GRIK3: variants seen among roughly 807,000 people sequenced by gnomAD.
GRIK3 encodes the protein glutamate receptor ionotropic, kainate 3.
Under a neutral mutation model 102.5 loss-of-function variants are expected in GRIK3, and 29 were observed. The observed-to-expected ratio is 0.28, with a 90% CI of 0.21 to 0.39. The LOEUF is 0.39. Among genes scored for constraint, GRIK3 ranks in the 10% least tolerant of loss-of-function variants. GRIK3 has a pLI of 1.00. For missense variants in GRIK3, 908 were observed against 1,252.4 expected, an observed-to-expected ratio of 0.73 and a Z score of 4.15; for synonymous variants, 511 against 504.9, an observed-to-expected ratio of 1.01 and a Z score of -0.16.
intron 12 of GRIK3, among the ~76,000 whole-genome samples, chr1:36,818,607 C>T (rs796677549): frequency 2.0e-5 from 3 of 152,348 alleles, no homozygotes; most frequent in South Asian, 2.1e-4. Flanking sequence ...AGAGGTTTCT[C>T]GCATGTGGGA....
intron 9 of GRIK3, among the ~76,000 whole-genome samples, chr1:36,848,807 T>C (rs1180177467): frequency 1.3e-5 from 2 of 152,048 alleles, no homozygotes; most frequent in Non-Finnish European, 2.9e-5. Flanking sequence ...TTTAACCCTG[T>C]TCCTCTTGAG....
At chr1:36,939,962 A>G (rs370853545) in intron 1 of GRIK3, among the ~76,000 whole-genome samples, 1 of 152,160 alleles carries the variant, frequency 6.6e-6, no homozygotes, top group Non-Finnish European at 1.5e-5. Context: ...TCAAATCCAC[A>G]TCCCATTTAT....
intron 3 of GRIK3, among the ~76,000 whole-genome samples, chr1:36,873,886 G>A (rs1002101010): frequency 6.6e-6 from 1 of 152,170 alleles, no homozygotes; most frequent in African/African-American, 2.4e-5. Context: ...CAAATATGGA[G>A]GTTGTAAGTC....
At chr1:36,928,916 T>G (rs984532793) in intron 1 of GRIK3, among the ~76,000 whole-genome samples, 1 of 152,200 alleles carries the variant, frequency 6.6e-6, no homozygotes, top group Non-Finnish European at 1.5e-5. Context: ...CTGGAGGAGA[T>G]AGCACCTGTG....
intron 1 of GRIK3, among the ~76,000 whole-genome samples, chr1:36,974,755 G>A (rs1642177359): frequency 6.8e-6 from 1 of 147,418 alleles, no homozygotes; most frequent in South Asian, 2.1e-4. Context: ...AGCTGACATT[G>A]CGCCACTGCT....
chr1:36,918,184 T>C lies in GRIK3; in HGVS notation c.116-27088A>G, dbSNP rs139791451. On this transcript the variant is annotated intron_variant, in intron 1 of 15. Transcript: ENST00000373091. Reference sequence around the variant, plus strand: ...GGAACCCAAAGCAGCTCTGAAGTCATAAAAACAAGAAGTATCACTAACACC... The same window carrying C: ...GGAACCCAAAGCAGCTCTGAAGTCACAAAAACAAGAAGTATCACTAACACC... Among the ~76,000 whole-genome samples, 918 of 152,322 alleles carry C rather than the reference T, an allele frequency of 6.0e-3. 2 individuals are homozygous for C. The highest frequency in any genetic ancestry group is 0.01 in the Non-Finnish European group (705 of 68,026).
intron 1 of GRIK3, among the ~76,000 whole-genome samples, chr1:36,969,869 T>A (rs1038453847): frequency 2.0e-5 from 3 of 152,196 alleles, no homozygotes; most frequent in African/African-American, 7.2e-5. Context: ...TGGACAGAAC[T>A]CTATTATGTG....
intron 15 of GRIK3, among the ~76,000 whole-genome samples, 196 bp from the exon 16 acceptor site, chr1:36,802,241 T>C (rs184746950): frequency 5.9e-5 from 9 of 152,322 alleles, no homozygotes; most frequent in Admixed American, 2.6e-4. Context: ...CCTGACATTC[T>C]TGTTTGGAGA....
chr1:36,835,017 T>C (rs915651928), intron 10 of GRIK3, among the ~76,000 whole-genome samples: 1 of 152,248 alleles, frequency 6.6e-6, no homozygotes, highest in Non-Finnish European at 1.5e-5. Context: ...GCCCTCTATC[T>C]TTCCCGTTGC....
At chr1:36,876,591 A>G (rs1570774465) in intron 3 of GRIK3, among the ~76,000 whole-genome samples, 1 of 152,182 alleles carries the variant, frequency 6.6e-6, no homozygotes, top group African/African-American at 2.4e-5. Context: ...AGTCAATGTG[A>G]GTTGGGCTGT....
chr1:36,895,800 T>C (rs1641165650), intron 1 of GRIK3, among the ~76,000 whole-genome samples: 1 of 152,064 alleles, frequency 6.6e-6, no homozygotes, highest in South Asian at 2.1e-4. Context: ...GCAGGAAATA[T>C]GTCCCCAAAA....
intron 1 of GRIK3, among the ~76,000 whole-genome samples, chr1:37,015,777 G>A (rs1642646950): frequency 6.6e-6 from 1 of 152,230 alleles, no homozygotes; most frequent in African/African-American, 2.4e-5. Flanking sequence ...AGGGGAATGC[G>A]AAGGGGCTTG....
chr1:36,848,322 T>A (rs999829774), intron 9 of GRIK3, among the ~76,000 whole-genome samples: 1 of 152,240 alleles, frequency 6.6e-6, no homozygotes, highest in African/African-American at 2.4e-5. Context: ...CATTTAATCA[T>A]CTCTCTTCCT....
intron 2 of GRIK3, 117 bp downstream of exon 2, chr1:36,890,803 A>G (rs1445209226): frequency 4.2e-6 from 3 of 715,562 alleles, no homozygotes; most frequent in Non-Finnish European, 6.7e-6. Flanking sequence ...CAAACCAGGT[A>G]GAAAAGGCTC....
Position 36,912,546 on chromosome 1 carries a change from C to T in GRIK3, c.116-21450G>A, listed in dbSNP as rs551235562. ...TGGTCCTGATTCCTGGAGCCGCCTC[C>T]CAGATAAACTATTTACACCCTAGCC... On this transcript the variant is annotated intron_variant, in intron 1 of 15. Transcript: ENST00000373091. Among the ~76,000 whole-genome samples, 14 of 152,144 alleles carry T rather than the reference C, an allele frequency of 9.2e-5. No individual in the cohort carries two copies. In the South Asian group the frequency reaches 2.9e-3, roughly 32 times the overall value.
At chr1:36,962,411 A>T (rs12140264) in intron 1 of GRIK3, among the ~76,000 whole-genome samples, 16,068 of 151,952 alleles carry the variant, frequency 0.11, 1,003 homozygotes, top group African/African-American at 0.18. Context: ...AGGTACATGC[A>T]TGCCCCAGGG....
intron 1 of GRIK3, among the ~76,000 whole-genome samples, chr1:37,004,860 C>T (rs1006649413): frequency 3.3e-5 from 5 of 152,248 alleles, no homozygotes; most frequent in African/African-American, 4.8e-5. Context: ...TGTGTTCCCA[C>T]CTGCAGGCCC....
At chr1:36,933,971 A>G (rs1303244259) in intron 1 of GRIK3, among the ~76,000 whole-genome samples, 1 of 152,204 alleles carries the variant, frequency 6.6e-6, no homozygotes, top group Non-Finnish European at 1.5e-5. Flanking sequence ...GTGAATTTGC[A>G]TGGTCAGAGA....
chr1:36,968,219 CCGTGTGTGTG>C (rs1557445541), intron 1 of GRIK3, among the ~76,000 whole-genome samples: 3 of 127,382 alleles, frequency 2.4e-5, no homozygotes, highest in Non-Finnish European at 4.8e-5. Context: ...CTCTCTCTCT[CCGTGTGTGTG>C]TGTGTGTGTG....
Sources: gnomAD v4.1 joint callset for allele counts (sites outside exome capture counted in the v4.1 genomes callset) on GRCh38, gnomAD v4.1.1 for gene constraint, MANE v1.5 for transcripts, NCBI Gene and HGNC (gene_info 2026-07-23, HGNC 2026-07-21) for gene names.